The following PPP2R3B variants were observed in gnomAD, a reference collection of about 807,000 sequenced individuals.
PPP2R3B encodes the protein serine/threonine-protein phosphatase 2A regulatory subunit B'' subunit beta.
PPP2R3B carries 68 observed loss-of-function variants against 72.9 expected under a neutral mutation model. That is an observed-to-expected ratio of 0.93 (90% confidence interval 0.77 to 1.14). The LOEUF is 1.14. Among genes scored for constraint, PPP2R3B ranks in the 50% most tolerant of loss-of-function variants. The probability of loss-of-function intolerance (pLI) is 0.00; values close to 1 mark genes in which losing one functional copy is unlikely to be tolerated. For synonymous variants in PPP2R3B, 466 were observed against 375.8 expected, an observed-to-expected ratio of 1.24 and a Z score of -2.78; for missense variants, 1,018 against 842.0, an observed-to-expected ratio of 1.21 and a Z score of -2.59.
chrX:373,961 T>G (rs1376624566), intron 1 of PPP2R3B: 2 of 152,812 alleles, frequency 1.3e-5, no homozygotes, highest in Non-Finnish European at 2.9e-5. Flanking sequence ...CTCCCTCCGG[T>G]CCTCTTCTCT....
In PPP2R3B at chrX:368,741, C is replaced by T. The variant is rs1603112866; in HGVS notation, c.325-7151G>A. Among the ~76,000 whole-genome samples the T allele has an allele frequency of 2.0e-5, 2 of 98,192 alleles. 1 individual carries two copies. Among genetic ancestry groups the T allele is most frequent in the Admixed American group, 2.0e-4 (2 of 10,122 alleles). The allele number at this position is 98,192 out of a possible 152,430, so 64.4% of individuals were successfully genotyped here. On this transcript the variant is annotated intron_variant, in intron 1 of 12. Transcript: ENST00000390665. The stretch of plus-strand genomic sequence containing the variant: ...GGCCGGGACCACCCACCTTGGGCAC[C>T]GACGGGGGGAAGGCCGGGACCACCC...
intron 12 of PPP2R3B, chrX:334,890 C>G: frequency 4.7e-6 from 1 of 213,090 alleles, no homozygotes; most frequent in Non-Finnish European, 9.2e-6. Context: ...ACAGTTTAGA[C>G]ACATTCTCCC....
rs188760634 is a variant in PPP2R3B, at chrX:357,954, C to T, written c.510+3451G>A. ...ACACACGGACCTCGCTGCACGGCCA[C>T]GGCTAAGATCCACGGGGGGACCCCC... On this transcript the variant is annotated intron_variant, in intron 2 of 12. Transcript: ENST00000390665. Among the ~76,000 whole-genome samples, 63 of 152,312 alleles carry T rather than the reference C, an allele frequency of 4.1e-4. 1 individual carries two copies. The highest frequency in any genetic ancestry group is 1.5e-3 in the African/African-American group (63 of 41,580).
intron 1 of PPP2R3B, among the ~76,000 whole-genome samples, chrX:362,603 A>G (rs2071565340): frequency 6.6e-6 from 1 of 151,564 alleles, no homozygotes; most frequent in African/African-American, 2.4e-5. Context: ...CTCCTCCTCC[A>G]TCAACTACTC....
At chrX:342,214 C>G (rs1177482260) in intron 7 of PPP2R3B, 4 of 581,700 alleles carry the variant, frequency 6.9e-6, no homozygotes, top group Non-Finnish European at 1.2e-5. Flanking sequence ...CTCAAAGGTA[C>G]AGCTTTCAGA....
intron 2 of PPP2R3B, among the ~76,000 whole-genome samples, chrX:358,792 G>T (rs753041266): frequency 2.3e-4 from 35 of 151,644 alleles, no homozygotes; most frequent in East Asian, 7.8e-4. Flanking sequence ...CACCGCGGAG[G>T]GGGGGTGGCC....
intron 7 of PPP2R3B, among the ~76,000 whole-genome samples, chrX:344,527 CGA>C (rs2071154383): frequency 6.6e-6 from 1 of 152,198 alleles, no homozygotes; most frequent in South Asian, 2.1e-4. Context: ...GCCCTGGGAC[CGA>C]GAGTGGGCTC....
intron 1 of PPP2R3B, among the ~76,000 whole-genome samples, chrX:384,287 T>C (rs1372522982): frequency 4.7e-5 from 7 of 148,632 alleles, no homozygotes; most frequent in African/African-American, 1.5e-4. Flanking sequence ...TCTCTCTATA[T>C]ATATATATAT....
rs1197036172 is a variant in PPP2R3B at position 334,274 on chromosome X, C to T, written c.*93G>A. On this transcript the variant is annotated 3_prime_UTR_variant, in exon 13 of 13. Transcript: ENST00000390665. The stretch of plus-strand genomic sequence containing the variant: ...AAAAGTTTATCATTCCGTACAAACG[C>T]ACTCATTTTCCACAACAGTTTTTAC... 1.5e-6 allele frequency: 2 copies of T among 1,310,860 alleles called. No individual in the cohort carries two copies. Among genetic ancestry groups the T allele is most frequent in the South Asian group, 1.6e-5 (1 of 62,506 alleles). The allele number at this position is 1,310,860 out of a possible 1,614,324, so 81.2% of individuals were successfully genotyped here.
At chrX:341,081 C>CCCCCTGCCG (rs1223078964) in intron 9 of PPP2R3B, 141 bp from the exon 10 acceptor site, 3 of 1,234,618 alleles carry the variant, frequency 2.4e-6, no homozygotes, top group East Asian at 4.9e-5. Flanking sequence ...GCATCCCCTG[C>CCCCCTGCCG]CCCCTGCCGC....
At chrX:358,028 G>A (rs2071469929) in intron 2 of PPP2R3B, among the ~76,000 whole-genome samples, 1 of 152,126 alleles carries the variant, frequency 6.6e-6, no homozygotes, top group African/African-American at 2.4e-5. Context: ...AGCAGCCGCC[G>A]GCCAAAGTCC....
intron 1 of PPP2R3B, among the ~76,000 whole-genome samples, chrX:368,699 G>C (rs761273312): frequency 2.0e-5 from 2 of 101,020 alleles, no homozygotes; most frequent in East Asian, 6.2e-4. Flanking sequence ...ACCCACCCTG[G>C]GCACCGACGG....
intron 2 of PPP2R3B, 97 bp downstream of exon 2, chrX:361,308 C>A (rs1293019169): frequency 7.2e-7 from 1 of 1,398,496 alleles, no homozygotes; most frequent in Non-Finnish European, 9.9e-7. Flanking sequence ...GCCTCACTCA[C>A]GCTCGTGTGA....
Position 353,909 on chromosome X carries a change from A to ACCGGGG in PPP2R3B, c.511-6217_511-6216insCCCCGG, listed in dbSNP as rs1021625518. 3.2e-5 allele frequency among the ~76,000 whole-genome samples: 4 copies of ACCGGGG among 123,396 alleles called. 1 individual carries two copies. Among genetic ancestry groups the ACCGGGG allele is most frequent in the African/African-American group, 1.0e-4 (3 of 29,924 alleles). 81.0% of individuals were successfully genotyped at this position (123,396 alleles called of 152,430 possible). A position where few individuals can be genotyped will look rare whatever the true frequency, so the allele number is the denominator to read the frequency against. On this transcript the variant is annotated intron_variant, in intron 2 of 12. Coordinates refer to ENST00000390665, the MANE Select transcript of PPP2R3B (RefSeq NM_013239.5). Reference sequence around the variant, plus strand: ...CCAAAGACCGGGGGCTCACCCAAAGACTGGGGCTCGCCCAGGGACCGGGGG... The same window carrying ACCGGGG: ...CCAAAGACCGGGGGCTCACCCAAAGACCGGGGCTGGGGCTCGCCCAGGGACCGGGGG...
At chrX:350,608 C>A (rs1344503572) in intron 2 of PPP2R3B, among the ~76,000 whole-genome samples, 1 of 152,220 alleles carries the variant, frequency 6.6e-6, no homozygotes. Flanking sequence ...AAGCGCCCAG[C>A]ACTGGCGCCG....
chrX:345,300 A>T (rs1487523088), intron 7 of PPP2R3B: 1 of 736,936 alleles, frequency 1.4e-6, no homozygotes, highest in Admixed American at 2.0e-5. Flanking sequence ...CCCCAGGCAG[A>T]GGCCTCGGGC....
In PPP2R3B at chrX:363,411, G is replaced by GCATCTCCCCGAGCCCGCGATCCCACAA. The variant is rs1569403795; in HGVS notation, c.325-1822_325-1821insTTGTGGGATCGCGGGCTCGGGGAGATG. Reference sequence around the variant, plus strand: ...ATCTCCCCGAGCCCGCAATCCCACAGTGCATCTCCCCGAGCCCGCGATCCC... The same window carrying GCATCTCCCCGAGCCCGCGATCCCACAA: ...ATCTCCCCGAGCCCGCAATCCCACAGCATCTCCCCGAGCCCGCGATCCCACAATGCATCTCCCCGAGCCCGCGATCCC... On this transcript the variant is annotated intron_variant, in intron 1 of 12. Transcript: ENST00000390665. 5.7e-4 allele frequency among the ~76,000 whole-genome samples: 25 copies of GCATCTCCCCGAGCCCGCGATCCCACAA among 44,140 alleles called. 2 individuals carry two copies. Among genetic ancestry groups the GCATCTCCCCGAGCCCGCGATCCCACAA allele is most frequent in the African/African-American group, 2.0e-3 (24 of 11,770 alleles). 29.0% of individuals were successfully genotyped at this position (44,140 alleles called of 152,430 possible).
rs111914553 is a variant in PPP2R3B at position 351,590 on chromosome X, G to C, written c.511-3897C>G. 4.5e-3 allele frequency among the ~76,000 whole-genome samples: 468 copies of C among 104,236 alleles called. 1 individual carries two copies. The highest frequency in any genetic ancestry group is 6.2e-3 in the African/African-American group (150 of 24,156). 68.4% of individuals were successfully genotyped at this position (104,236 alleles called of 152,430 possible). On this transcript the variant is annotated intron_variant, in intron 2 of 12. Transcript: ENST00000390665. Reference sequence around the variant, plus strand: ...CGGTCTTGCTGTTGCCCAGGCTGGAGTGCAGTGTGTGATCACAGCGTGATC... The same window carrying C: ...CGGTCTTGCTGTTGCCCAGGCTGGACTGCAGTGTGTGATCACAGCGTGATC...
At chrX:369,235 C>T (rs2071802800) in intron 1 of PPP2R3B, among the ~76,000 whole-genome samples, 1 of 152,214 alleles carries the variant, frequency 6.6e-6, no homozygotes, top group South Asian at 2.1e-4. Flanking sequence ...CTAAAGCCAG[C>T]CGCCTGTTCA....
Sources: gnomAD v4.1 joint callset for allele counts (sites outside exome capture counted in the v4.1 genomes callset) on GRCh38, gnomAD v4.1.1 for gene constraint, MANE v1.5 for transcripts, NCBI Gene and HGNC (gene_info 2026-07-23, HGNC 2026-07-21) for gene names.